KCNIP4: variants seen among roughly 807,000 people sequenced by gnomAD.
KCNIP4 encodes potassium voltage-gated channel interacting protein 4, also known as Kv channel-interacting protein 4.
Under a neutral mutation model 34.0 loss-of-function variants are expected in KCNIP4, and 12 were observed. The ratio of observed to expected loss-of-function variants is 0.35; its 90% CI spans 0.23 to 0.57. The LOEUF (loss-of-function observed/expected upper bound fraction) is 0.57. Among genes scored for constraint, KCNIP4 ranks in the 20% least tolerant of loss-of-function variants. KCNIP4 has a pLI of 0.83. For missense variants in KCNIP4, 238 were observed against 311.7 expected (o/e 0.76, Z 1.78); for synonymous variants, 124 against 102.2 (o/e 1.21, Z -1.29).
intron 1 of KCNIP4, among the ~76,000 whole-genome samples, chr4:21,920,193 C>G (rs971254298): frequency 1.3e-5 from 2 of 152,048 alleles, no homozygotes; most frequent in African/African-American, 4.8e-5. Flanking sequence ...TCAAATCATA[C>G]CAAAATAGAC....
intron 1 of KCNIP4, among the ~76,000 whole-genome samples, chr4:21,657,816 T>G (rs777002265): frequency 1.3e-5 from 2 of 151,418 alleles, no homozygotes; most frequent in Non-Finnish European, 2.9e-5. Flanking sequence ...GTGTTATTAG[T>G]GTTTTATCAA....
At chr4:20,745,431 C>T (rs1256895753) in intron 5 of KCNIP4, among the ~76,000 whole-genome samples, 1 of 152,054 alleles carries the variant, frequency 6.6e-6, no homozygotes, top group Non-Finnish European at 1.5e-5. Context: ...TCTTTTCGTG[C>T]AAAAGAAAAA....
Position 21,837,594 on chromosome 4 carries a change from T to C in KCNIP4, c.61+110977A>G, listed in dbSNP as rs994493697. 1.1e-3 allele frequency among the ~76,000 whole-genome samples: 154 copies of C among 143,518 alleles called. 4 individuals carry two copies. The highest frequency in any genetic ancestry group is 2.1e-4 in the Non-Finnish European group (14 of 65,720). The allele number at this position is 143,518 out of a possible 152,430, so 94.2% of individuals were successfully genotyped here. A position where few individuals can be genotyped will look rare whatever the true frequency, so the allele number is the denominator to read the frequency against. On this transcript the variant is annotated intron_variant, in intron 1 of 8. Transcript: ENST00000382152. ...AAAAGAAAAGAAAGAGGCAGATAGA[T>C]AGAAAAGAAAAAAAATTGACAACTA...
chr4:21,612,715 C>T (rs1020737291), intron 1 of KCNIP4, among the ~76,000 whole-genome samples: 36 of 152,134 alleles, frequency 2.4e-4, no homozygotes, highest in African/African-American at 4.8e-5. Context: ...AAAATCAAAG[C>T]TGATTAATTC....
intron 1 of KCNIP4, among the ~76,000 whole-genome samples, chr4:20,885,592 T>C (rs1725207427): frequency 6.6e-6 from 1 of 152,224 alleles, no homozygotes; most frequent in African/African-American, 2.4e-5. Context: ...TCCGGGTCTC[T>C]TGCTCAGCTA....
chr4:21,328,519 C>G (rs990329425), intron 1 of KCNIP4, among the ~76,000 whole-genome samples: 1 of 152,156 alleles, frequency 6.6e-6, no homozygotes, highest in Admixed American at 6.5e-5. Flanking sequence ...GAGTCAGACC[C>G]AAAGACAGTA....
chr4:21,204,171 C>G (rs1204047057), intron 1 of KCNIP4, among the ~76,000 whole-genome samples: 1 of 118,948 alleles, frequency 8.4e-6, no homozygotes, highest in Non-Finnish European at 1.6e-5. Context: ...TTCCTCCACT[C>G]TTCCTATTTT....
At chr4:21,595,039 G>T (rs1019336840) in intron 1 of KCNIP4, among the ~76,000 whole-genome samples, 120 of 152,138 alleles carry the variant, frequency 7.9e-4, no homozygotes, top group Non-Finnish European at 3.8e-4. Context: ...TTGTTACATA[G>T]GTATACATGT....
chr4:20,911,532 G>C (rs1728324443), intron 1 of KCNIP4, among the ~76,000 whole-genome samples: 2 of 152,092 alleles, frequency 1.3e-5, no homozygotes, highest in African/African-American at 4.8e-5. Context: ...TCTGGTAATA[G>C]TTTTTGCAAC....
intron 1 of KCNIP4, among the ~76,000 whole-genome samples, chr4:20,987,593 CA>C (rs774603924): frequency 2.0e-5 from 3 of 152,104 alleles, no homozygotes; most frequent in Non-Finnish European, 4.4e-5. Context: ...TTAATTTTCA[CA>C]AAATTACATT....
chr4:21,757,095 CA>C lies in KCNIP4; in HGVS notation c.61+191475del, dbSNP rs756136638. Among the ~76,000 whole-genome samples, 221 of 95,990 alleles carry C rather than the reference CA, an allele frequency of 2.3e-3. 1 individual carries two copies. The highest frequency in any genetic ancestry group is 7.4e-3 in the African/African-American group (207 of 27,894). The allele number at this position is 95,990 out of a possible 152,430, so 63.0% of individuals were successfully genotyped here. On this transcript the variant is annotated intron_variant, in intron 1 of 8. Coordinates refer to ENST00000382152, the MANE Select transcript of KCNIP4 (RefSeq NM_025221.6). ...CAGCCTGAGCAACAGAGTCCTGTCT[CA>C]AAAAAAGAAAGAAAGAAAGAAAGAA...
intron 1 of KCNIP4, among the ~76,000 whole-genome samples, chr4:21,250,456 A>T (rs962622): frequency 6.6e-6 from 1 of 151,946 alleles, no homozygotes; most frequent in East Asian, 1.9e-4. Context: ...TCACTAAAAA[A>T]TCCCTGTCTC....
chr4:21,067,391 G>A (rs985494142), intron 1 of KCNIP4, among the ~76,000 whole-genome samples: 1 of 151,994 alleles, frequency 6.6e-6, no homozygotes, highest in Non-Finnish European at 1.5e-5. Context: ...GAGTAAAGGG[G>A]ATTTTGTCTT....
chr4:21,059,485 C>T (rs1743726126), intron 1 of KCNIP4, among the ~76,000 whole-genome samples: 1 of 152,106 alleles, frequency 6.6e-6, no homozygotes, highest in African/African-American at 2.4e-5. Context: ...CGGAGAAATT[C>T]CCTGACAGTC....
chr4:21,108,779 G>A (rs1467724298), intron 1 of KCNIP4, among the ~76,000 whole-genome samples: 5 of 152,004 alleles, frequency 3.3e-5, no homozygotes, highest in Non-Finnish European at 2.9e-5. Context: ...GGTTTTTGGT[G>A]TGGATGTCCT....
intron 1 of KCNIP4, among the ~76,000 whole-genome samples, chr4:21,195,790 T>C (rs2109360361): frequency 6.6e-6 from 1 of 152,348 alleles, no homozygotes; most frequent in South Asian, 2.1e-4. Flanking sequence ...CAATGGCTCA[T>C]TAAGAATGTT....
At chr4:21,272,152 T>C (rs1762189505) in intron 1 of KCNIP4, among the ~76,000 whole-genome samples, 1 of 152,122 alleles carries the variant, frequency 6.6e-6, no homozygotes, top group Non-Finnish European at 1.5e-5. Context: ...GCTAGGTATT[T>C]TTTGGACATT....
At chr4:21,243,446 A>G (rs1759992847) in intron 1 of KCNIP4, among the ~76,000 whole-genome samples, 1 of 152,196 alleles carries the variant, frequency 6.6e-6, no homozygotes, top group South Asian at 2.1e-4. Flanking sequence ...AAGTTTGCAA[A>G]GAAGCCTACT....
At chr4:20,794,421 T>C (rs940423081) in intron 3 of KCNIP4, among the ~76,000 whole-genome samples, 2 of 152,190 alleles carry the variant, frequency 1.3e-5, no homozygotes, top group African/African-American at 4.8e-5. Context: ...TATCAGTCAG[T>C]TGTGGCCCAG....
Sources: gnomAD v4.1 joint callset for allele counts (sites outside exome capture counted in the v4.1 genomes callset) on GRCh38, gnomAD v4.1.1 for gene constraint, MANE v1.5 for transcripts, NCBI Gene and HGNC (gene_info 2026-07-23, HGNC 2026-07-21) for gene names.